Variants in CACNA1E observed in about 807,000 individuals in gnomAD.
CACNA1E encodes the protein calcium voltage-gated channel subunit alpha1 E.
A neutral mutation model predicts 259.2 loss-of-function variants in CACNA1E; 40 were observed. The observed-to-expected ratio is 0.15, with a 90% CI of 0.12 to 0.20. CACNA1E has a LOEUF of 0.20. CACNA1E is among the 10% of genes least tolerant of loss of function. The pLI is 1.00. For synonymous variants in CACNA1E, 1,104 were observed against 1,138.5 expected, an observed-to-expected ratio of 0.97 and a Z score of 0.61; for missense variants, 1,874 against 3,040.1, an observed-to-expected ratio of 0.62 and a Z score of 9.02.
chr1:181,531,927 G>A (rs375058107), intron 3 of CACNA1E, among the ~76,000 whole-genome samples: 5 of 152,158 alleles, frequency 3.3e-5, no homozygotes, highest in African/African-American at 9.7e-5. Flanking sequence ...GTGATGGCAC[G>A]TACCTGTAAT....
chr1:181,548,832 C>T (rs1206355696), intron 3 of CACNA1E, among the ~76,000 whole-genome samples: 1 of 152,206 alleles, frequency 6.6e-6, no homozygotes, highest in Non-Finnish European at 1.5e-5. Context: ...TCTTATCCAT[C>T]ATGTTTAGTT....
At chr1:181,390,102 G>C (rs940933423) in intron 1 of CACNA1E, among the ~76,000 whole-genome samples, 18 of 152,190 alleles carry the variant, frequency 1.2e-4, no homozygotes, top group African/African-American at 7.2e-5. Flanking sequence ...ATTGACTGCT[G>C]TTCTTCGTGA....
At chr1:181,703,855 C>T (rs1411532163) in intron 7 of CACNA1E, among the ~76,000 whole-genome samples, 2 of 152,172 alleles carry the variant, frequency 1.3e-5, no homozygotes, top group African/African-American at 4.8e-5. Context: ...GCCTGATATC[C>T]TGGTCTGTGA....
chr1:181,335,852 G>T (rs1219157734), intron 1 of CACNA1E, among the ~76,000 whole-genome samples: 1 of 152,178 alleles, frequency 6.6e-6, no homozygotes, highest in Non-Finnish European at 1.5e-5. Context: ...GAGCCTTTCC[G>T]CAGCCAAGTT....
chr1:181,720,164 G>A, intron 13 of CACNA1E, 42 bp from the exon 14 acceptor site: 1 of 1,612,258 alleles, frequency 6.2e-7, no homozygotes, highest in Non-Finnish European at 8.5e-7. Context: ...GGGTGACTTG[G>A]TATGCAGTGT....
In CACNA1E at chr1:181,805,192, TTCAC is replaced by T. The variant is rs1393974349; in HGVS notation, c.*6362_*6365del. On this transcript the variant is annotated 3_prime_UTR_variant, in exon 48 of 48. Transcript: ENST00000367573. ...CCAGGCTGTGCCACTTCCTCTTCAC[TTCAC>T]TCAGAGGATGGCCCCAAAACTGAAA... 1.3e-5 allele frequency: 2 copies of T among 152,306 alleles called. No individual in the cohort carries two copies. The highest frequency in any genetic ancestry group is 3.4e-3 in the Middle Eastern group (1 of 294). 9.4% of individuals were successfully genotyped at this position (152,306 alleles called of 1,614,324 possible).
At chr1:181,417,908 C>G (rs538901744) in intron 2 of CACNA1E, among the ~76,000 whole-genome samples, 1 of 152,292 alleles carries the variant, frequency 6.6e-6, no homozygotes, top group East Asian at 1.9e-4. Context: ...CCTCAAGTTC[C>G]ATGTGGAGTC....
chr1:181,537,506 G>T (rs1450516036), intron 3 of CACNA1E, among the ~76,000 whole-genome samples: 1 of 152,160 alleles, frequency 6.6e-6, no homozygotes, highest in Non-Finnish European at 1.5e-5. Context: ...GTCCAGTGTG[G>T]TTACTGTATG....
intron 6 of CACNA1E, among the ~76,000 whole-genome samples, chr1:181,650,214 G>A (rs908065215): frequency 9.2e-5 from 14 of 152,210 alleles, no homozygotes; most frequent in Admixed American, 2.0e-4. Context: ...GTGAGAGGGG[G>A]AAAAGGTAAA....
chr1:181,758,063 C>T lies in CACNA1E; in HGVS notation c.4446C>T (p.Tyr1482=), dbSNP rs1206839090. The change falls in exon 31 of 48, where the codon TAC becomes TAT. Residue 1482 remains tyrosine (Y), a synonymous_variant. Coordinates refer to ENST00000367573, the MANE Select transcript of CACNA1E (RefSeq NM_001205293.3). This position sits in a 1 kb window ranked among gnomAD's most constrained non-coding sequence, Gnocchi z 4.2. The part of the protein sequence containing the change: ...WHFVVSPSFE[Y]TIMAMIALNT... ...TTGTGGTGTCTCCGTCCTTTGAGTA[C>T]ACCATTATGGCCATGATCGCCTTGA... 6.2e-7 allele frequency: 1 copy of T among 1,613,934 alleles called. No homozygotes were observed. Among genetic ancestry groups the T allele is most frequent in the Non-Finnish European group, 8.5e-7 (1 of 1,179,862 alleles).
chr1:181,349,411 G>A (rs1652859153), intron 1 of CACNA1E, among the ~76,000 whole-genome samples: 1 of 152,258 alleles, frequency 6.6e-6, no homozygotes, highest in Non-Finnish European at 1.5e-5. Context: ...TGCCCCAAGG[G>A]AGGCAGGGTA....
intron 32 of CACNA1E, among the ~76,000 whole-genome samples, chr1:181,762,211 A>G (rs956574495): frequency 4.6e-5 from 7 of 152,268 alleles, no homozygotes; most frequent in Non-Finnish European, 1.0e-4. Context: ...GCCATTAAAT[A>G]TGGATAGCTT....
At chr1:181,622,612 AG>A (rs1655827357) in intron 6 of CACNA1E, among the ~76,000 whole-genome samples, 1 of 152,174 alleles carries the variant, frequency 6.6e-6, no homozygotes, top group Non-Finnish European at 1.5e-5. Flanking sequence ...AGGTTGGATT[AG>A]GGCCCACCCT....
chr1:181,546,579 G>A (rs1647498639), intron 3 of CACNA1E, among the ~76,000 whole-genome samples: 1 of 152,068 alleles, frequency 6.6e-6, no homozygotes, highest in African/African-American at 2.4e-5. Context: ...GTTATGTGAG[G>A]GACTGTTTGG....
At chr1:181,687,997 T>C (rs1650758002) in intron 7 of CACNA1E, among the ~76,000 whole-genome samples, 1 of 152,170 alleles carries the variant, frequency 6.6e-6, no homozygotes, top group African/African-American at 2.4e-5. Context: ...GTTCATTGAC[T>C]TCCAAACATC....
At chr1:181,375,943 C>A (rs1655071420) in intron 1 of CACNA1E, among the ~76,000 whole-genome samples, 1 of 152,108 alleles carries the variant, frequency 6.6e-6, no homozygotes, top group South Asian at 2.1e-4. Context: ...TTATAACTTA[C>A]TAGATAATTA....
intron 7 of CACNA1E, among the ~76,000 whole-genome samples, chr1:181,676,363 G>A (rs558179146): frequency 2.0e-5 from 3 of 152,226 alleles, no homozygotes; most frequent in South Asian, 4.1e-4. Flanking sequence ...TGGCCAGGAC[G>A]TTGCACTACA....
chr1:181,739,692 G>A (rs1472188472), intron 25 of CACNA1E, among the ~76,000 whole-genome samples: 1 of 152,276 alleles, frequency 6.6e-6, no homozygotes, highest in East Asian at 1.9e-4. Flanking sequence ...TCCTAGGCAT[G>A]GTGAGGTTTT....
At chr1:181,386,680 T>C (rs1017054164) in intron 1 of CACNA1E, among the ~76,000 whole-genome samples, 4 of 152,192 alleles carry the variant, frequency 2.6e-5, no homozygotes, top group African/African-American at 9.6e-5. Flanking sequence ...GAAATGTAAA[T>C]AGCTCCACGT....
Sources: gnomAD v4.1 joint callset for allele counts (sites outside exome capture counted in the v4.1 genomes callset) on GRCh38, gnomAD v4.1.1 for gene constraint, Gnocchi (gnomAD v3.1) non-coding constraint, MANE v1.5 for transcripts, NCBI Gene and HGNC (gene_info 2026-07-23, HGNC 2026-07-21) for gene names.